The following PATJ variants were observed in gnomAD, a reference collection of about 807,000 sequenced individuals.
The protein encoded by PATJ is inaD-like protein.
In PATJ, 190 loss-of-function variants were observed where a neutral mutation model predicts 224.9. That is an observed-to-expected ratio of 0.84 (90% CI 0.75 to 0.95). The LOEUF is 0.95. Among genes scored for constraint, PATJ ranks in the 40% least tolerant of loss-of-function variants. PATJ has a pLI of 0.00. For synonymous variants in PATJ, 769 were observed against 820.3 expected, an observed-to-expected ratio of 0.94 and a Z score of 1.07; for missense variants, 2,121 against 2,270.3, an observed-to-expected ratio of 0.93 and a Z score of 1.34.
chr1:61,878,147 T>C (rs890383726), intron 21 of PATJ, among the ~76,000 whole-genome samples: 3 of 152,222 alleles, frequency 2.0e-5, no homozygotes, highest in Non-Finnish European at 2.9e-5. Context: ...TGTAGCTGGA[T>C]GGGACATAGA....
At chr1:61,770,564 T>G (rs1646542199) in intron 5 of PATJ, among the ~76,000 whole-genome samples, 1 of 152,180 alleles carries the variant, frequency 6.6e-6, no homozygotes. Context: ...CTATTTTTCT[T>G]TAGAGATTTT....
intron 15 of PATJ, among the ~76,000 whole-genome samples, chr1:61,824,713 C>G (rs1570728049): frequency 6.6e-6 from 1 of 152,176 alleles, no homozygotes. Context: ...TCATTAGCCA[C>G]CATGCCTGGC....
chr1:61,755,024 G>A (rs749567773), intron 1 of PATJ, among the ~76,000 whole-genome samples: 55 of 152,086 alleles, frequency 3.6e-4, no homozygotes, highest in Non-Finnish European at 6.6e-4. Context: ...GATGGGCAGG[G>A]TGCAGTGGCT....
At chr1:61,908,603 A>G in intron 25 of PATJ, 121 bp downstream of exon 25, 1 of 632,216 alleles carries the variant, frequency 1.6e-6, no homozygotes, top group Middle Eastern at 3.2e-4. Flanking sequence ...TATTTAAAGT[A>G]TGAGCTTCAT....
chr1:61,847,757 A>G (rs1181840938), intron 17 of PATJ, among the ~76,000 whole-genome samples: 1 of 152,212 alleles, frequency 6.6e-6, no homozygotes, highest in African/African-American at 2.4e-5. Flanking sequence ...AAATCAGAAG[A>G]CAGTCTTTTG....
intron 42 of PATJ, among the ~76,000 whole-genome samples, chr1:62,150,733 T>G (rs1277207462): frequency 8.2e-6 from 1 of 121,246 alleles, no homozygotes; most frequent in African/African-American, 3.1e-5. Flanking sequence ...GCATTCAAAA[T>G]AGTTAAGTGT....
intron 17 of PATJ, among the ~76,000 whole-genome samples, chr1:61,855,163 G>C (rs1663450453): frequency 6.6e-6 from 1 of 152,022 alleles, no homozygotes. Flanking sequence ...GCTTTTCTTG[G>C]AGCTTACTTA....
chr1:61,873,818 G>A (rs1290461294), intron 20 of PATJ, among the ~76,000 whole-genome samples: 2 of 152,216 alleles, frequency 1.3e-5, no homozygotes, highest in East Asian at 1.9e-4. Context: ...GGAGACCCAT[G>A]CACTGGGGGG....
At chr1:62,039,014 C>G in intron 30 of PATJ, 1 of 1,168,350 alleles carries the variant, frequency 8.6e-7, no homozygotes, top group Non-Finnish European at 1.3e-6. Context: ...TCTGACCCCA[C>G]TGATACTCCT....
chr1:62,048,321 G>A (rs1652915819), intron 30 of PATJ, among the ~76,000 whole-genome samples: 1 of 152,072 alleles, frequency 6.6e-6, no homozygotes, highest in Non-Finnish European at 1.5e-5. Flanking sequence ...TGAGGTGGGT[G>A]GATCACTTGA....
chr1:62,061,105 A>G (rs745832804), intron 31 of PATJ, among the ~76,000 whole-genome samples: 2 of 152,110 alleles, frequency 1.3e-5, no homozygotes, highest in African/African-American at 4.8e-5. Context: ...AGTCCCCAGT[A>G]GGTAGTTTTT....
At chr1:61,883,507 T>C (rs1668372691) in intron 21 of PATJ, among the ~76,000 whole-genome samples, 1 of 152,118 alleles carries the variant, frequency 6.6e-6, no homozygotes, top group South Asian at 2.1e-4. Context: ...CTCAGCACTT[T>C]GGAAGGCTGA....
chr1:62,109,235 C>T (rs1663510548), intron 34 of PATJ, among the ~76,000 whole-genome samples: 1 of 150,392 alleles, frequency 6.6e-6, no homozygotes, highest in African/African-American at 2.5e-5. Context: ...ATTGAATGAA[C>T]TTAATTGAAT....
At chr1:62,060,422 G>C (rs1355558815) in intron 31 of PATJ, among the ~76,000 whole-genome samples, 1 of 151,908 alleles carries the variant, frequency 6.6e-6, no homozygotes, top group Non-Finnish European at 1.5e-5. Context: ...GCCAGAGTGT[G>C]GTGATGCAAA....
At chr1:61,861,259 T>TGAAACCAG (rs1664483066) in intron 18 of PATJ, among the ~76,000 whole-genome samples, 1 of 148,668 alleles carries the variant, frequency 6.7e-6, no homozygotes, top group African/African-American at 2.5e-5. Flanking sequence ...CTGAAGAGTT[T>TGAAACCAG]GAAACCAGGA....
intron 37 of PATJ, among the ~76,000 whole-genome samples, chr1:62,117,823 G>A (rs181187369): frequency 2.9e-3 from 442 of 152,146 alleles, no homozygotes; most frequent in Non-Finnish European, 5.3e-3. Context: ...AATCAAGATG[G>A]TAGACTGTAT....
Position 62,037,957 on chromosome 1 carries a change from C to G in PATJ, c.3960-20C>G. Reference sequence around the variant, plus strand: ...TAGCATTTACTGTGTACTGATTCTGCCTATTTTAACACTTCACAGAAACGA... The same window carrying G: ...TAGCATTTACTGTGTACTGATTCTGGCTATTTTAACACTTCACAGAAACGA... On this transcript the variant is annotated intron_variant, in intron 29 of 43. Coordinates refer to ENST00000642238, the MANE Select transcript of PATJ (RefSeq NM_001350145.3). 6 of 1,572,220 alleles carry G rather than the reference C, an allele frequency of 3.8e-6. No individual in the cohort carries two copies. The highest frequency in any genetic ancestry group is 4.4e-6 in the Non-Finnish European group (5 of 1,148,306).
At position 62,084,647 on chromosome 1, in the gene PATJ, T is replaced by C; in HGVS notation, c.4376T>C (p.Leu1459Ser). The C allele has an allele frequency of 6.2e-7, 1 of 1,612,038 alleles. No individual in the cohort carries two copies. Among genetic ancestry groups the C allele is most frequent in the Non-Finnish European group, 8.5e-7 (1 of 1,179,264 alleles). Residue 1459 changes from leucine to serine, a missense_variant and splice_region_variant, in exon 33 of 44, where the codon TTG becomes TCG. Coordinates refer to ENST00000642238, the MANE Select transcript of PATJ (RefSeq NM_001350145.3). ...ATTGTGGGAGGAAAAGACACACCCT[T>C]GGTAAGTTTCTAGAAATAAAATGTA... ...LSIVGGKDTP[L>S]NAIVIHEVYE...
At chr1:61,745,761 AC>A (rs1331021741) in intron 1 of PATJ, among the ~76,000 whole-genome samples, 1 of 147,686 alleles carries the variant, frequency 6.8e-6, no homozygotes, top group Admixed American at 6.8e-5. Flanking sequence ...CTGCCACCAC[AC>A]CTGTCTAATT....
Sources: gnomAD v4.1 joint callset for allele counts (sites outside exome capture counted in the v4.1 genomes callset) on GRCh38, gnomAD v4.1.1 for gene constraint, MANE v1.5 for transcripts, NCBI Gene and HGNC (gene_info 2026-07-23, HGNC 2026-07-21) for gene names.